The following SCPEP1 variants were observed in gnomAD, a reference collection of about 807,000 sequenced individuals.
The protein encoded by SCPEP1 is serine carboxypeptidase 1, also known as retinoid-inducible serine carboxypeptidase.
In SCPEP1, 51 loss-of-function variants were observed where a neutral mutation model predicts 63.8. That is an observed-to-expected ratio of 0.80 (90% CI 0.64 to 1.01). The LOEUF is 1.01. Among genes scored for constraint, SCPEP1 ranks in the 50% least tolerant of loss-of-function variants. The pLI is 0.00. For missense variants in SCPEP1, 499 were observed against 554.9 expected (o/e 0.90, Z 1.01); for synonymous variants, 204 against 207.8 (o/e 0.98, Z 0.16).
chr17:57,005,339 TGTTG>T, intron 12 of SCPEP1, among the ~76,000 whole-genome samples: 1 of 152,348 alleles, frequency 6.6e-6, no homozygotes, highest in South Asian at 2.1e-4. Flanking sequence ...GCCCATTTCC[TGTTG>T]GTTTGTCACA....
At chr17:56,998,077 C>T (rs1457380278) in intron 9 of SCPEP1, 5 of 281,684 alleles carry the variant, frequency 1.8e-5, no homozygotes. Context: ...ACTTGGGAGG[C>T]TGAGGCGGGT....
chr17:56,993,241 G>T (rs1435288316), intron 6 of SCPEP1, among the ~76,000 whole-genome samples: 1 of 151,810 alleles, frequency 6.6e-6, no homozygotes, highest in Admixed American at 6.6e-5. Context: ...TTTTTTCAGG[G>T]GCACTCTCTA....
At chr17:56,980,383 G>T (rs1911033704) in intron 1 of SCPEP1, among the ~76,000 whole-genome samples, 3 of 152,054 alleles carry the variant, frequency 2.0e-5, no homozygotes, top group Admixed American at 2.0e-4. Flanking sequence ...CCAAAGTGTT[G>T]GGATTACAGG....
chr17:57,000,748 C>A, intron 10 of SCPEP1, 107 bp from the exon 11 acceptor site: 1 of 1,278,970 alleles, frequency 7.8e-7, no homozygotes, highest in Non-Finnish European at 1.1e-6. Context: ...AGCATCTGTG[C>A]ATTCAGTCGT....
Position 57,001,953 on chromosome 17 carries a change from C to T in SCPEP1, c.1133-65C>T, listed in dbSNP as rs1165855384. ...TTTGGGAAGCACCAACTTTTAGGAC[C>T]TAGACTTTTTTCCTATTCTATCCAG... On this transcript the variant is annotated intron_variant, in intron 11 of 12. Transcript: ENST00000262288. 8 of 1,538,276 alleles carry T rather than the reference C, an allele frequency of 5.2e-6. No homozygotes were observed. The East Asian group carries it at 1.8e-4, about 35-fold the overall frequency.
chr17:56,992,878 T>G (rs1324357309), intron 6 of SCPEP1, among the ~76,000 whole-genome samples: 1 of 152,232 alleles, frequency 6.6e-6, no homozygotes, highest in Non-Finnish European at 1.5e-5. Context: ...CAAGTGTTAT[T>G]CATTGTGTTT....
intron 4 of SCPEP1, 127 bp downstream of exon 4, chr17:56,987,977 C>A: frequency 9.1e-7 from 1 of 1,096,610 alleles, no homozygotes; most frequent in Non-Finnish European, 1.3e-6. Flanking sequence ...TTTTAATTCC[C>A]AAGATTGGGT....
Position 56,985,400 on chromosome 17 carries a change from C to A in SCPEP1, c.248C>A (p.Thr83Asn). The A allele has an allele frequency of 6.2e-7, 1 of 1,614,212 alleles. No homozygotes were observed. The highest frequency in any genetic ancestry group is 8.5e-7 in the Non-Finnish European group (1 of 1,180,036). ...WLQGGPGGSS[T>N]GFGNFEEIGP... The stretch of plus-strand genomic sequence containing the variant: ...TAGGGCGGTCCAGGCGGTTCTAGCA[C>A]TGGATTTGGAAACTTTGAGGAAATT... The change falls in exon 3 of 13, where the codon ACT (threonine) becomes AAT (asparagine). Residue 83 changes from threonine to asparagine, a missense_variant. Thr to Asn is a moderately conservative substitution (Grantham distance 65, BLOSUM62 0). Coordinates refer to ENST00000262288, the MANE Select transcript of SCPEP1 (RefSeq NM_021626.3).
chr17:56,984,390 A>G (rs141274133), intron 2 of SCPEP1: 1 of 152,216 alleles, frequency 6.6e-6, no homozygotes, highest in South Asian at 2.1e-4. Context: ...AGCACTGACC[A>G]TCTTTTCCCC....
chr17:56,982,232 G>C (rs942633418), intron 2 of SCPEP1, among the ~76,000 whole-genome samples: 3 of 152,024 alleles, frequency 2.0e-5, no homozygotes, highest in Non-Finnish European at 4.4e-5. Flanking sequence ...TGGAACCCTG[G>C]GCCCCTCATC....
Position 56,987,826 on chromosome 17 carries a change from C to T in SCPEP1, c.447C>T (p.Phe149=), listed in dbSNP as rs369407730. 42 of 1,614,130 alleles carry T rather than the reference C, an allele frequency of 2.6e-5. 2 individuals carry two copies. Among genetic ancestry groups the T allele is most frequent in the East Asian group, 1.6e-4 (7 of 44,886 alleles). The part of the protein sequence containing the change: ...ASDMMVLLKT[F]FSCHKEFQTV... Reference sequence around the variant, plus strand: ...ACATGATGGTTCTCCTGAAGACCTTCTTCAGTTGCCACAAAGAATTCCAGG... The same window carrying T: ...ACATGATGGTTCTCCTGAAGACCTTTTTCAGTTGCCACAAAGAATTCCAGG... The change falls in exon 4 of 13, where the codon TTC becomes TTT. Residue 149 remains phenylalanine (F), a synonymous_variant. Transcript: ENST00000262288.
chr17:56,988,808 T>C (rs924977014), intron 5 of SCPEP1, among the ~76,000 whole-genome samples: 7 of 151,908 alleles, frequency 4.6e-5, no homozygotes, highest in African/African-American at 1.7e-4. Flanking sequence ...TGGAGACAAA[T>C]ACCTATCACT....
At chr17:57,004,820 C>T (rs1357545965) in intron 12 of SCPEP1, among the ~76,000 whole-genome samples, 1 of 152,206 alleles carries the variant, frequency 6.6e-6, no homozygotes, top group Non-Finnish European at 1.5e-5. Flanking sequence ...GGTTGTTAGG[C>T]ATCATATCAT....
intron 2 of SCPEP1, chr17:56,983,734 T>A (rs376172479): frequency 6.6e-6 from 1 of 152,334 alleles, no homozygotes; most frequent in East Asian, 1.9e-4. Context: ...CAGAGTTAGG[T>A]TGGTCCAGGT....
chr17:56,995,007 CTGTACAG>C lies in SCPEP1; in HGVS notation c.647_653del (p.Leu216ProfsTer21). The C allele has an allele frequency of 6.2e-7, 1 of 1,613,368 alleles. No homozygotes were observed. Among genetic ancestry groups the C allele is most frequent in the Non-Finnish European group, 8.5e-7 (1 of 1,179,338 alleles). On this transcript the variant is annotated frameshift_variant, in exon 7 of 13. Transcript: ENST00000262288. LOFTEE classifies it high-confidence loss of function. The stretch of plus-strand genomic sequence containing the variant: ...TTCGGTGCTCTCCTGGGGACCTTAC[CTGTACAG>C]CATGGTAAGTAGATACACATCTGCA...
chr17:56,987,856 C>A lies in SCPEP1; in HGVS notation c.471+6C>A. ...GTTGCCACAAAGAATTCCAGGTAAGCAAAGACTCAGGAACAGCTAAGTAAA... is the reference window on the plus strand; with the variant it reads ...GTTGCCACAAAGAATTCCAGGTAAGAAAAGACTCAGGAACAGCTAAGTAAA... On this transcript the variant is annotated splice_donor_region_variant and intron_variant, in intron 4 of 12. Coordinates refer to ENST00000262288, the MANE Select transcript of SCPEP1 (RefSeq NM_021626.3). 1 of 1,613,816 alleles carries A rather than the reference C, an allele frequency of 6.2e-7. No individual in the cohort carries two copies. Among genetic ancestry groups the A allele is most frequent in the Admixed American group, 1.7e-5 (1 of 59,970 alleles).
chr17:56,993,648 T>C lies in SCPEP1; in HGVS notation c.620-1333T>C, dbSNP rs532562877. Among the ~76,000 whole-genome samples the C allele has an allele frequency of 4.5e-4, 69 of 152,350 alleles. 1 individual carries two copies. The highest frequency in any genetic ancestry group is 2.7e-3 in the Admixed American group (41 of 15,304). On this transcript the variant is annotated intron_variant, in intron 6 of 12. Coordinates refer to ENST00000262288, the MANE Select transcript of SCPEP1 (RefSeq NM_021626.3). ...TTTTAGTAGAGATGGGGTTTCACCA[T>C]GTTGGCCAGGCTGGTCTCCAACTCC...
chr17:57,006,139 C>G, intron 12 of SCPEP1, 34 bp from the exon 13 acceptor site: 1 of 1,575,818 alleles, frequency 6.3e-7, no homozygotes, highest in Non-Finnish European at 8.7e-7. Flanking sequence ...GGAATAGCAC[C>G]AGGAGCACTA....
At chr17:56,998,544 G>A in intron 10 of SCPEP1, 46 bp downstream of exon 10, 1 of 1,407,796 alleles carries the variant, frequency 7.1e-7, no homozygotes, top group Non-Finnish European at 1.0e-6. Context: ...GTTATGGGGA[G>A]AAAAGAGGTG....
Sources: gnomAD v4.1 joint callset for allele counts (sites outside exome capture counted in the v4.1 genomes callset) on GRCh38, gnomAD v4.1.1 for gene constraint, MANE v1.5 for transcripts, NCBI Gene and HGNC (gene_info 2026-07-23, HGNC 2026-07-21) for gene names.